Variants in CBX3 observed in about 807,000 individuals in gnomAD.
The protein encoded by CBX3 is chromobox 3.
In CBX3, 5 loss-of-function variants were observed where a neutral mutation model predicts 22.6. The observed-to-expected ratio is 0.22, with a 90% CI of 0.12 to 0.47. The LOEUF (loss-of-function observed/expected upper bound fraction) is 0.47, where lower values mean the gene tolerates loss of function less well. CBX3 is among the 20% of genes least tolerant of loss of function. CBX3 has a pLI of 0.99. For missense variants in CBX3, 83 were observed against 208.1 expected (o/e 0.40, Z 3.70); for synonymous variants, 50 against 66.6 (o/e 0.75, Z 1.21).
chr7:26,202,100 C>CCT (rs1184866151), intron 1 of CBX3: 1 of 151,986 alleles, frequency 6.6e-6, no homozygotes, highest in African/African-American at 2.4e-5. Context: ...CGCATTTCCC[C>CCT]CTCCCCTCCC....
chr7:26,211,439 T>C (rs1336790838), intron 4 of CBX3, among the ~76,000 whole-genome samples: 1 of 152,200 alleles, frequency 6.6e-6, no homozygotes, highest in Non-Finnish European at 1.5e-5. Context: ...TTCTTGACTT[T>C]TTATTCTGAA....
At chr7:26,204,142 A>G (rs1784619028) in intron 2 of CBX3, among the ~76,000 whole-genome samples, 1 of 152,096 alleles carries the variant, frequency 6.6e-6, no homozygotes, top group Admixed American at 6.5e-5. Context: ...GTTAAGGCAA[A>G]TATATACTAT....
chr7:26,211,576 AC>A (rs113632993), intron 4 of CBX3, 85 bp from the exon 5 acceptor site: 28 of 754,026 alleles, frequency 3.7e-5, no homozygotes, highest in African/African-American at 2.7e-4. Flanking sequence ...TTTCCATCTC[AC>A]TATTGGAATG....
intron 2 of CBX3, 43 bp downstream of exon 2, chr7:26,203,065 G>T (rs1784587900): frequency 1.4e-6 from 2 of 1,450,210 alleles, no homozygotes; most frequent in South Asian, 1.2e-5. Context: ...TTTAACTCAA[G>T]TTTTTTTTCC....
intron 2 of CBX3, among the ~76,000 whole-genome samples, chr7:26,205,084 C>T (rs928946615): frequency 3.3e-5 from 5 of 152,274 alleles, no homozygotes; most frequent in South Asian, 2.1e-4. Context: ...CCACTGCCCC[C>T]GGCAATAGCA....
chr7:26,202,722 TA>T (rs1359142579), intron 1 of CBX3: 5 of 461,728 alleles, frequency 1.1e-5, no homozygotes, highest in Middle Eastern at 5.4e-4. Context: ...ATTGGTCCCC[TA>T]TTTTAAGCCA....
Position 26,202,955 on chromosome 7 carries a change from T to C in CBX3, c.-28-16T>C. On this transcript the variant is annotated splice_polypyrimidine_tract_variant and intron_variant, in intron 1 of 5. Coordinates refer to ENST00000396386, the MANE Select transcript of CBX3 (RefSeq NM_016587.4). ...GTGTCATGCAAACTTACCTTAACTG[T>C]CATGCATTTTTCTAGTAATAGCTCT... 6.6e-7 allele frequency: 1 copy of C among 1,523,856 alleles called. No homozygotes were observed. The highest frequency in any genetic ancestry group is 9.0e-7 in the Non-Finnish European group (1 of 1,105,376). 94.4% of individuals were successfully genotyped at this position (1,523,856 alleles called of 1,614,324 possible). A position where few individuals can be genotyped will look rare whatever the true frequency, so the allele number is the denominator to read the frequency against.
rs749155788 is a variant in CBX3, at chr7:26,213,461, A to G, written c.*1253A>G. ...ATAAGTTAGATGATACCAGTAAGGC[A>G]TTACAGTACATATCCTAGATCTTTT... On this transcript the variant is annotated 3_prime_UTR_variant, in exon 6 of 6. Coordinates refer to ENST00000396386, the MANE Select transcript of CBX3 (RefSeq NM_016587.4). 5 of 152,264 alleles carry G rather than the reference A, an allele frequency of 3.3e-5. No individual in the cohort carries two copies. The highest frequency in any genetic ancestry group is 7.3e-5 in the Non-Finnish European group (5 of 68,036). The allele number at this position is 152,264 out of a possible 1,614,324, so 9.4% of individuals were successfully genotyped here. A position where few individuals can be genotyped will look rare whatever the true frequency, so the allele number is the denominator to read the frequency against.
At chr7:26,205,346 C>T (rs1377335048) in intron 2 of CBX3, among the ~76,000 whole-genome samples, 1 of 152,088 alleles carries the variant, frequency 6.6e-6, no homozygotes, top group Non-Finnish European at 1.5e-5. Flanking sequence ...TAGACTTTCT[C>T]TTGAGAAACC....
At chr7:26,205,613 A>G (rs924085846) in intron 2 of CBX3, among the ~76,000 whole-genome samples, 4 of 152,082 alleles carry the variant, frequency 2.6e-5, no homozygotes, top group African/African-American at 9.7e-5. Context: ...TGACATTAAT[A>G]TTTGAATTGA....
intron 4 of CBX3, 122 bp downstream of exon 4, chr7:26,208,677 A>G (rs947693381): frequency 1.5e-5 from 13 of 865,730 alleles, no homozygotes; most frequent in East Asian, 2.9e-5. Context: ...CTGGAGTGCA[A>G]TGGCATGATC....
intron 1 of CBX3, 57 bp from the exon 2 acceptor site, chr7:26,202,914 T>C: frequency 9.3e-7 from 1 of 1,073,124 alleles, no homozygotes; most frequent in Non-Finnish European, 1.4e-6. Flanking sequence ...AGAATTTGTA[T>C]TTAGTTACCT....
chr7:26,206,160 G>T, intron 2 of CBX3: 1 of 473,692 alleles, frequency 2.1e-6, no homozygotes, highest in Admixed American at 4.0e-5. Context: ...TTTTGGTGGT[G>T]GGTTGTAAGT....
intron 2 of CBX3, 63 bp downstream of exon 2, chr7:26,203,085 A>G (rs757671786): frequency 6.1e-5 from 72 of 1,172,620 alleles, no homozygotes; most frequent in Non-Finnish European, 8.6e-5. Context: ...CCCACAGTAT[A>G]ACTTTGCATC....
intron 4 of CBX3, among the ~76,000 whole-genome samples, chr7:26,209,006 T>C (rs1584039681): frequency 7.1e-6 from 1 of 140,044 alleles, no homozygotes; most frequent in Middle Eastern, 3.9e-3. Flanking sequence ...TGGTGCAGTT[T>C]CGGCTCACTG....
chr7:26,209,847 C>T (rs2128138382), intron 4 of CBX3: 1 of 152,298 alleles, frequency 6.6e-6, no homozygotes, highest in Middle Eastern at 3.4e-3. Context: ...AGGCACTAAA[C>T]ATGATTTAAA....
chr7:26,213,448 A>T lies in CBX3; in HGVS notation c.*1240A>T, dbSNP rs111891412. 37 of 152,446 alleles carry T rather than the reference A, an allele frequency of 2.4e-4. No individual in the cohort carries two copies. Among genetic ancestry groups the T allele is most frequent in the African/African-American group, 8.9e-4 (37 of 41,582 alleles). The allele number at this position is 152,446 out of a possible 1,614,324, so 9.4% of individuals were successfully genotyped here. The stretch of plus-strand genomic sequence containing the variant: ...ATTATCTTTGTTTATAAGTTAGATG[A>T]TACCAGTAAGGCATTACAGTACATA... On this transcript the variant is annotated 3_prime_UTR_variant, in exon 6 of 6. Transcript: ENST00000396386.
At chr7:26,202,137 C>T (rs1360262934) in intron 1 of CBX3, 2 of 152,124 alleles carry the variant, frequency 1.3e-5, no homozygotes, top group Non-Finnish European at 2.9e-5. Flanking sequence ...GGAGGCGCCC[C>T]CTCCCCCAGC....
rs769187448 is a variant in CBX3, at chr7:26,203,009, A to G, written c.11A>G (p.Asn4Ser). 4.3e-6 allele frequency: 7 copies of G among 1,609,198 alleles called. No homozygotes were observed. The highest frequency in any genetic ancestry group is 3.3e-5 in the Admixed American group (2 of 59,800). MAS[N>S]KTTLQKMGKK... ...AGTCTGCAATAAAAAATGGCCTCCAACAAAACTACATTGGTAAGTTAATGA... is the reference window on the plus strand; with the variant it reads ...AGTCTGCAATAAAAAATGGCCTCCAGCAAAACTACATTGGTAAGTTAATGA... Residue 4 changes from asparagine to serine, a missense_variant, in exon 2 of 6, where the codon AAC (asparagine) becomes AGC (serine). Around this residue, in one of 3 missense-constraint regions of CBX3, gnomAD observed 24 missense variants for 25.1 expected, o/e 0.96. Transcript: ENST00000396386.
Sources: allele counts gnomAD v4.1 joint callset (sites outside exome capture counted in the v4.1 genomes callset), GRCh38; gene constraint gnomAD v4.1.1; regional missense constraint gnomAD v4.1.1; transcripts MANE v1.5; gene names NCBI Gene and HGNC (gene_info 2026-07-23, HGNC 2026-07-21).